BMPR1A: variants seen among roughly 807,000 people sequenced by gnomAD.
BMPR1A encodes the protein bone morphogenetic protein receptor type 1A.
In BMPR1A, 7 loss-of-function variants were observed where a neutral mutation model predicts 66.0. The observed-to-expected ratio is 0.11, with a 90% CI of 0.06 to 0.20. BMPR1A has a LOEUF of 0.20. Ranked by LOEUF, BMPR1A falls within the 10% of genes least tolerant of loss-of-function variation. BMPR1A has a pLI of 1.00. For synonymous variants in BMPR1A, 200 were observed against 229.7 expected (o/e 0.87, Z 1.17); for missense variants, 408 against 669.1 (o/e 0.61, Z 4.31).
Position 86,875,647 on chromosome 10 carries a change from AT to A in BMPR1A, c.-152-219del, listed in dbSNP as rs5786750. On this transcript the variant is annotated intron_variant, in intron 2 of 12. Transcript: ENST00000372037. ...TTAATATACTTCCCTTGTTGTACAT[AT>A]GGCTAATCTGAGGTCAGGAGAGGTT... 0.041 allele frequency among the ~76,000 whole-genome samples: 6,280 copies of A among 152,094 alleles called. 292 individuals are homozygous for A. Among genetic ancestry groups the A allele is most frequent in the African/African-American group, 0.11 (4,590 of 41,462 alleles).
chr10:86,903,712 C>T (rs984564358), intron 7 of BMPR1A, among the ~76,000 whole-genome samples: 3 of 150,470 alleles, frequency 2.0e-5, no homozygotes, highest in East Asian at 2.0e-4. Flanking sequence ...CCCGGGTTTA[C>T]GCCATTCTCT....
chr10:86,832,671 G>A (rs1842288282), intron 1 of BMPR1A, among the ~76,000 whole-genome samples: 1 of 152,108 alleles, frequency 6.6e-6, no homozygotes, highest in South Asian at 2.1e-4. Flanking sequence ...GAAACATACA[G>A]TATGCAGTAT....
intron 2 of BMPR1A, among the ~76,000 whole-genome samples, chr10:86,861,121 G>A (rs376645158): frequency 7.9e-5 from 12 of 152,280 alleles, no homozygotes; most frequent in African/African-American, 2.9e-4. Context: ...GATTACAGGC[G>A]TGAGCCACCG....
At chr10:86,857,977 A>T (rs950042848) in intron 2 of BMPR1A, among the ~76,000 whole-genome samples, 15 of 152,120 alleles carry the variant, frequency 9.9e-5, no homozygotes, top group African/African-American at 3.6e-4. Context: ...TTGTTAGAAG[A>T]AGTCACTCAG....
intron 1 of BMPR1A, among the ~76,000 whole-genome samples, chr10:86,807,247 C>A (rs550339182): frequency 6.6e-6 from 1 of 152,180 alleles, no homozygotes; most frequent in African/African-American, 2.4e-5. Context: ...TAATTCTAAA[C>A]CAACCCCTCA....
chr10:86,853,159 CAA>C (rs1380963473), intron 2 of BMPR1A, among the ~76,000 whole-genome samples: 3 of 151,958 alleles, frequency 2.0e-5, no homozygotes, highest in Non-Finnish European at 4.4e-5. Flanking sequence ...AAAATTATAA[CAA>C]TGAAAATTGA....
chr10:86,805,170 C>CA (rs1841871680), intron 1 of BMPR1A, among the ~76,000 whole-genome samples: 1 of 152,066 alleles, frequency 6.6e-6, no homozygotes, highest in Admixed American at 6.5e-5. Context: ...ACCCTATTTA[C>CA]AAATTTATGG....
At chr10:86,794,646 C>G (rs1841678363) in intron 1 of BMPR1A, among the ~76,000 whole-genome samples, 1 of 152,036 alleles carries the variant, frequency 6.6e-6, no homozygotes, top group South Asian at 2.1e-4. Flanking sequence ...TCAGTACATT[C>G]TTTGATACCT....
At chr10:86,797,511 A>G (rs550463550) in intron 1 of BMPR1A, among the ~76,000 whole-genome samples, 27 of 151,960 alleles carry the variant, frequency 1.8e-4, no homozygotes, top group Non-Finnish European at 4.0e-4. Context: ...GATTACAGGC[A>G]TGAACTACTG....
intron 5 of BMPR1A, among the ~76,000 whole-genome samples, chr10:86,898,424 A>G (rs1843260400): frequency 6.6e-6 from 1 of 152,030 alleles, no homozygotes; most frequent in Non-Finnish European, 1.5e-5. Context: ...CTGGGATATA[A>G]TTCACCTAGG....
chr10:86,875,239 G>A (rs1842906350), intron 2 of BMPR1A, among the ~76,000 whole-genome samples: 1 of 151,860 alleles, frequency 6.6e-6, no homozygotes, highest in Non-Finnish European at 1.5e-5. Flanking sequence ...CGAGTGTGGT[G>A]GTGCACACCT....
intron 4 of BMPR1A, among the ~76,000 whole-genome samples, chr10:86,891,557 A>G (rs980133376): frequency 1.3e-5 from 2 of 152,232 alleles, no homozygotes; most frequent in Non-Finnish European, 2.9e-5. Context: ...TGCTAACACT[A>G]AAATAAGAAT....
At chr10:86,869,889 G>T (rs1275901158) in intron 2 of BMPR1A, among the ~76,000 whole-genome samples, 1 of 152,184 alleles carries the variant, frequency 6.6e-6, no homozygotes, top group Non-Finnish European at 1.5e-5. Context: ...TGTTTACTGA[G>T]ATGTAATATT....
At chr10:86,877,286 C>G (rs969790336) in intron 3 of BMPR1A, among the ~76,000 whole-genome samples, 1 of 151,334 alleles carries the variant, frequency 6.6e-6, no homozygotes, top group Non-Finnish European at 1.5e-5. Flanking sequence ...CGGCTCACTG[C>G]AAGCTCCGCC....
rs748006034 is a variant in BMPR1A, at chr10:86,799,506, C to T, written c.-267-39359C>T. Among the ~76,000 whole-genome samples, 181 of 64,528 alleles carry T rather than the reference C, an allele frequency of 2.8e-3. 3 individuals carry two copies. The highest frequency in any genetic ancestry group is 0.023 in the East Asian group (19 of 820). The allele number at this position is 64,528 out of a possible 152,430, so 42.3% of individuals were successfully genotyped here. A position where few individuals can be genotyped will look rare whatever the true frequency, so the allele number is the denominator to read the frequency against. Reference sequence around the variant, plus strand: ...CCTTCCTTCCTTCCTTCCTTCCTTCCTTTCTTTTCTTTTCTTTTCTTTTCT... The same window carrying T: ...CCTTCCTTCCTTCCTTCCTTCCTTCTTTTCTTTTCTTTTCTTTTCTTTTCT... On this transcript the variant is annotated intron_variant, in intron 1 of 12. Coordinates refer to ENST00000372037, the MANE Select transcript of BMPR1A (RefSeq NM_004329.3).
chr10:86,824,925 T>G (rs965376799), intron 1 of BMPR1A, among the ~76,000 whole-genome samples: 1 of 152,128 alleles, frequency 6.6e-6, no homozygotes, highest in African/African-American at 2.4e-5. Flanking sequence ...TGCTTAGCAA[T>G]CCTGAAAAAT....
At chr10:86,810,466 CTG>C (rs1841953296) in intron 1 of BMPR1A, among the ~76,000 whole-genome samples, 3 of 152,206 alleles carry the variant, frequency 2.0e-5, no homozygotes, top group Admixed American at 2.0e-4. Context: ...AGAATCAACT[CTG>C]TGCTTAACCA....
At chr10:86,857,924 C>T (rs1185341891) in intron 2 of BMPR1A, among the ~76,000 whole-genome samples, 1 of 151,992 alleles carries the variant, frequency 6.6e-6, no homozygotes, top group Non-Finnish European at 1.5e-5. Flanking sequence ...TCCCAAAGTG[C>T]TGTTATTACA....
intron 1 of BMPR1A, among the ~76,000 whole-genome samples, chr10:86,805,180 G>GTC (rs1447891220): frequency 2.0e-5 from 3 of 152,008 alleles, no homozygotes; most frequent in Admixed American, 6.6e-5. Context: ...CAAATTTATG[G>GTC]TCTGAGGTAC....
Sources: allele counts gnomAD v4.1 joint callset (sites outside exome capture counted in the v4.1 genomes callset), GRCh38; gene constraint gnomAD v4.1.1; transcripts MANE v1.5; gene names NCBI Gene and HGNC (gene_info 2026-07-23, HGNC 2026-07-21).